The following ANK2 variants were observed in gnomAD, a reference collection of about 807,000 sequenced individuals.
ANK2 encodes the protein ankyrin 2, also known as ankyrin-2.
A neutral mutation model predicts 360.5 loss-of-function variants in ANK2; 83 were observed. That is an observed-to-expected ratio of 0.23 (90% confidence interval 0.19 to 0.28). ANK2 has a LOEUF of 0.28. Among genes scored for constraint, ANK2 ranks in the 10% least tolerant of loss-of-function variants. ANK2 has a pLI of 1.00. For missense variants in ANK2, 4,201 were observed against 4,795.7 expected (o/e 0.88, Z 3.66); for synonymous variants, 1,740 against 1,759.5 (o/e 0.99, Z 0.28).
Position 113,193,824 on chromosome 4 carries a change from A to G in ANK2, c.187-2544A>G, listed in dbSNP as rs139298389. On this transcript the variant is annotated intron_variant, in intron 2 of 45. Coordinates refer to ENST00000357077, the MANE Select transcript of ANK2 (RefSeq NM_001148.6). Reference sequence around the variant, plus strand: ...CTCTTTCTTCTAACCTCTTTCAAAAACTTTCAAGAACTCATATATTTTAAT... The same window carrying G: ...CTCTTTCTTCTAACCTCTTTCAAAAGCTTTCAAGAACTCATATATTTTAAT... Among the ~76,000 whole-genome samples the G allele has an allele frequency of 1.6e-3, 244 of 152,198 alleles. 1 individual carries two copies. Among genetic ancestry groups the G allele is most frequent in the African/African-American group, 5.2e-3 (216 of 41,510 alleles).
chr4:113,001,887 C>T (rs191059925), intron 2 of ANK2, among the ~76,000 whole-genome samples: 1 of 152,264 alleles, frequency 6.6e-6, no homozygotes, highest in East Asian at 1.9e-4. Flanking sequence ...GTTATTTCTC[C>T]AGTCCTGACT....
At chr4:113,278,342 T>C (rs2153700174) in intron 16 of ANK2, 118 bp from the exon 17 acceptor site, 4 of 833,938 alleles carry the variant, frequency 4.8e-6, no homozygotes, top group South Asian at 2.9e-5. Context: ...CTTTTTTCTA[T>C]TGACTATATT....
the ANK2 span, among the ~76,000 whole-genome samples, chr4:112,755,442 G>C: frequency 1.4e-4 from 22 of 152,326 alleles, no homozygotes; most frequent in African/African-American, 5.3e-4. Context: ...GTCCGAAAAA[G>C]GAGTCAGCAA....
the ANK2 span, among the ~76,000 whole-genome samples, chr4:112,730,463 C>T: frequency 3.6e-4 from 55 of 150,852 alleles, 1 homozygote; most frequent in Admixed American, 2.6e-3. Context: ...TGGTGAAACC[C>T]TGTCTCTACT....
chr4:112,825,702 C>T (rs2058280966), intron 1 of ANK2, among the ~76,000 whole-genome samples: 1 of 152,132 alleles, frequency 6.6e-6, no homozygotes, highest in Admixed American at 6.5e-5. Flanking sequence ...ATTTACATGA[C>T]ATAAGAGCCT....
At chr4:112,866,794 G>A (rs1403738664) in intron 1 of ANK2, among the ~76,000 whole-genome samples, 1 of 151,770 alleles carries the variant, frequency 6.6e-6, no homozygotes, top group Admixed American at 6.6e-5. Flanking sequence ...GGTCCTGCTC[G>A]GATTCTTTTT....
At chr4:113,284,177 C>T (rs780067709) in intron 18 of ANK2, among the ~76,000 whole-genome samples, 4 of 152,112 alleles carry the variant, frequency 2.6e-5, no homozygotes, top group Non-Finnish European at 5.9e-5. Context: ...AGTGAAATTC[C>T]GTGTATCAGA....
At chr4:112,950,157 C>T (rs918765776) in intron 2 of ANK2, among the ~76,000 whole-genome samples, 2 of 152,012 alleles carry the variant, frequency 1.3e-5, no homozygotes, top group African/African-American at 4.8e-5. Flanking sequence ...TTCTTACCTG[C>T]CTCTCTCTAT....
rs141487487 is a variant in ANK2 at position 113,003,934 on chromosome 4, A to G, written c.21+99420A>G. ...TGAATACTGTAGCAATCATAACACA[A>G]TGATCAGTATTTATGTATCTAAACA... is the stretch of plus-strand genomic sequence containing the variant. On this transcript the variant is annotated intron_variant, in intron 2 of 30. Transcript: ENST00000503271. Among the ~76,000 whole-genome samples the G allele has an allele frequency of 5.9e-5, 9 of 152,360 alleles. No homozygotes were observed. In the East Asian group the frequency reaches 1.5e-3, roughly 26 times the overall value.
chr4:112,994,397 A>G (rs1321669761), intron 2 of ANK2, among the ~76,000 whole-genome samples: 1 of 152,238 alleles, frequency 6.6e-6, no homozygotes, highest in Non-Finnish European at 1.5e-5. Flanking sequence ...ACTAATAGCA[A>G]AAAGAAAAGT....
intron 2 of ANK2, among the ~76,000 whole-genome samples, chr4:112,995,821 G>A (rs1251550363): frequency 2.0e-5 from 3 of 152,096 alleles, no homozygotes; most frequent in Non-Finnish European, 4.4e-5. Context: ...TCAGGATTTT[G>A]ATGTATAATT....
chr4:112,721,506 C>T, the ANK2 span, among the ~76,000 whole-genome samples: 1 of 133,942 alleles, frequency 7.5e-6, no homozygotes, highest in African/African-American at 2.8e-5. Context: ...TGCACCATTG[C>T]ACTCCACCCT....
At chr4:112,829,832 A>G (rs2059313870) in intron 1 of ANK2, among the ~76,000 whole-genome samples, 1 of 151,976 alleles carries the variant, frequency 6.6e-6, no homozygotes, top group African/African-American at 2.4e-5. Flanking sequence ...GGTGGTGGGT[A>G]CCTGTAGTCC....
the ANK2 span, among the ~76,000 whole-genome samples, chr4:112,777,488 G>A: frequency 6.6e-6 from 1 of 151,972 alleles, no homozygotes; most frequent in African/African-American, 2.4e-5. Context: ...TGATCCGCCC[G>A]CCTCGGCCTC....
intron 13 of ANK2, among the ~76,000 whole-genome samples, chr4:113,261,252 C>T (rs1016721919): frequency 3.9e-5 from 6 of 151,996 alleles, no homozygotes; most frequent in East Asian, 1.9e-4. Context: ...CTTAGAATGC[C>T]GAACTGCCAA....
chr4:112,788,799 A>G, the ANK2 span: 2 of 1,240,452 alleles, frequency 1.6e-6, no homozygotes, highest in Non-Finnish European at 2.3e-6. Flanking sequence ...GGGATTCACC[A>G]CTTTCTTAGC....
rs147458476 is a variant in ANK2, at chr4:113,255,921, G to A, written c.1177G>A (p.Ala393Thr). 59 of 1,614,008 alleles carry A rather than the reference G, an allele frequency of 3.7e-5. No homozygotes were observed. The highest frequency in any genetic ancestry group is 2.7e-4 in the East Asian group (12 of 44,900). ...TTTAGACAAGAGAGCCAATCCGAAC[G>A]CCAGAGCCCTGGTAAACTTGGCCCA... Reference protein sequence around the residue: ...LLLDKRANPNARALNGFTPLH... With the variant: ...LLLDKRANPNTRALNGFTPLH... The change falls in exon 11 of 46, where the codon GCC (alanine) becomes ACC (threonine). Residue 393 changes from alanine to threonine, a missense_variant. Physicochemically the swap from Ala to Thr is moderately conservative, Grantham distance 58. Around this residue, in one of 4 missense-constraint regions of ANK2, gnomAD observed 1,268 missense variants for 1,650.8 expected, o/e 0.77. Transcript: ENST00000357077.
chr4:113,218,840 A>G (rs1271940563), intron 4 of ANK2, among the ~76,000 whole-genome samples: 1 of 151,794 alleles, frequency 6.6e-6, no homozygotes, highest in African/African-American at 2.4e-5. Context: ...CTAGAAAGTC[A>G]TTTTTTATTT....
At chr4:112,968,764 G>C in intron 2 of ANK2, among the ~76,000 whole-genome samples, 1 of 151,946 alleles carries the variant, frequency 6.6e-6, no homozygotes. Flanking sequence ...CTTAGCATAG[G>C]GTTAAATCAT....
Sources: gnomAD v4.1 joint callset for allele counts (sites outside exome capture counted in the v4.1 genomes callset) on GRCh38, gnomAD v4.1.1 for gene constraint, gnomAD v4.1.1 regional missense constraint, MANE v1.5 for transcripts, NCBI Gene and HGNC (gene_info 2026-07-23, HGNC 2026-07-21) for gene names.